BCKDHB: variants seen among roughly 807,000 people sequenced by gnomAD.
BCKDHB encodes the protein branched chain keto acid dehydrogenase E1 subunit beta.
BCKDHB carries 41 observed loss-of-function variants against 48.5 expected under a neutral mutation model. The ratio of observed to expected loss-of-function variants is 0.85; its 90% CI spans 0.66 to 1.10. The LOEUF is 1.10. Among genes scored for constraint, BCKDHB ranks in the 50% least tolerant of loss-of-function variants. BCKDHB has a pLI of 0.00. For synonymous variants in BCKDHB, 201 were observed against 174.8 expected (o/e 1.15, Z -1.18); for missense variants, 496 against 494.2 (o/e 1.00, Z -0.03).
intron 3 of BCKDHB, among the ~76,000 whole-genome samples, chr6:80,142,274 AAG>A (rs768092033): frequency 3.9e-5 from 6 of 152,122 alleles, no homozygotes; most frequent in Non-Finnish European, 7.4e-5. Context: ...TTGAAATTTT[AAG>A]AGAGTTTAAC....
chr6:80,414,235 A>G, the BCKDHB span, among the ~76,000 whole-genome samples: 5 of 151,982 alleles, frequency 3.3e-5, no homozygotes, highest in Non-Finnish European at 5.9e-5. Context: ...TTTTTCTCCC[A>G]TTCTGTAGGT....
At chr6:80,160,995 AC>A (rs1450719646) in intron 3 of BCKDHB, among the ~76,000 whole-genome samples, 1 of 152,160 alleles carries the variant, frequency 6.6e-6, no homozygotes, top group Non-Finnish European at 1.5e-5. Context: ...GATGGTATTT[AC>A]TTTTTTTTGC....
chr6:80,326,630 G>A (rs1329136399), intron 9 of BCKDHB, among the ~76,000 whole-genome samples: 1 of 152,154 alleles, frequency 6.6e-6, no homozygotes, highest in Non-Finnish European at 1.5e-5. Flanking sequence ...GCTCACACCT[G>A]TAATCCCAGC....
intron 9 of BCKDHB, among the ~76,000 whole-genome samples, chr6:80,339,008 A>AG (rs1365801085): frequency 4.2e-5 from 5 of 119,574 alleles, no homozygotes; most frequent in Admixed American, 1.0e-4. Flanking sequence ...TTGCCATAAA[A>AG]AAAAAAATTG....
At chr6:80,404,124 T>G in the BCKDHB span, among the ~76,000 whole-genome samples, 8 of 151,782 alleles carry the variant, frequency 5.3e-5, no homozygotes, top group Middle Eastern at 6.8e-3. Flanking sequence ...CACTTCTAAT[T>G]TTTTTAAAGA....
the BCKDHB span, among the ~76,000 whole-genome samples, chr6:80,456,923 T>C: frequency 6.6e-6 from 1 of 152,190 alleles, no homozygotes; most frequent in Non-Finnish European, 1.5e-5. Flanking sequence ...AAAATATGAG[T>C]TCATTATGCT....
chr6:80,332,040 T>C (rs578133633), intron 9 of BCKDHB, among the ~76,000 whole-genome samples: 9 of 152,004 alleles, frequency 5.9e-5, no homozygotes, highest in Non-Finnish European at 1.2e-4. Context: ...TTTTGAAGAG[T>C]TTTTAAAAGC....
intron 8 of BCKDHB, among the ~76,000 whole-genome samples, chr6:80,205,521 A>T (rs1402737388): frequency 2.0e-5 from 3 of 152,076 alleles, no homozygotes; most frequent in Admixed American, 2.0e-4. Context: ...TGAGGAATTC[A>T]TACTTCTTGC....
intron 3 of BCKDHB, among the ~76,000 whole-genome samples, chr6:80,158,704 T>C (rs1048184598): frequency 2.8e-4 from 43 of 152,138 alleles, no homozygotes; most frequent in African/African-American, 1.0e-3. Context: ...CACTGATCAA[T>C]CAGTGGATGG....
At chr6:80,417,395 AG>A in the BCKDHB span, among the ~76,000 whole-genome samples, 1 of 152,104 alleles carries the variant, frequency 6.6e-6, no homozygotes, top group African/African-American at 2.4e-5. Flanking sequence ...CCATGATGTT[AG>A]CTGGTTATTT....
chr6:80,337,620 A>G (rs1408293476), intron 9 of BCKDHB, among the ~76,000 whole-genome samples: 1 of 151,714 alleles, frequency 6.6e-6, no homozygotes, highest in African/African-American at 2.4e-5. Context: ...ATATATATTT[A>G]TCCATTATAT....
At chr6:80,328,671 T>G (rs192045909) in intron 9 of BCKDHB, among the ~76,000 whole-genome samples, 8 of 152,284 alleles carry the variant, frequency 5.3e-5, no homozygotes, top group Non-Finnish European at 1.0e-4. Context: ...ACAGAAAACT[T>G]TCTAATTTTA....
At chr6:80,213,605 C>A (rs1582371323) in intron 8 of BCKDHB, among the ~76,000 whole-genome samples, 1 of 151,946 alleles carries the variant, frequency 6.6e-6, no homozygotes, top group Non-Finnish European at 1.5e-5. Flanking sequence ...TCTTCCCTCC[C>A]CCTCACTCTC....
chr6:80,270,725 G>T (rs1280867555), intron 8 of BCKDHB, among the ~76,000 whole-genome samples: 2 of 152,112 alleles, frequency 1.3e-5, no homozygotes, highest in African/African-American at 4.8e-5. Context: ...AGGGCCAAGT[G>T]ATGAGCTGGA....
intron 3 of BCKDHB, among the ~76,000 whole-genome samples, chr6:80,158,892 C>G (rs1454239543): frequency 6.6e-6 from 1 of 152,176 alleles, no homozygotes; most frequent in Non-Finnish European, 1.5e-5. Flanking sequence ...AGTGTTCACC[C>G]TAGGCAGTAA....
At chr6:80,310,874 T>G (rs570136521) in intron 9 of BCKDHB, among the ~76,000 whole-genome samples, 87 of 129,168 alleles carry the variant, frequency 6.7e-4, no homozygotes, top group African/African-American at 2.1e-3. Flanking sequence ...TTTTTCATGT[T>G]TGATGGCCAC....
the BCKDHB span, among the ~76,000 whole-genome samples, chr6:80,391,175 A>ATG: frequency 9.4e-4 from 136 of 144,096 alleles, 2 homozygotes; most frequent in South Asian, 6.7e-3. Context: ...ATGCATATAT[A>ATG]TATGTGTGTG....
intron 8 of BCKDHB, among the ~76,000 whole-genome samples, chr6:80,228,042 TAATA>T (rs1562154798): frequency 1.3e-5 from 2 of 152,162 alleles, no homozygotes; most frequent in Admixed American, 6.5e-5. Context: ...AAATAACTTA[TAATA>T]AATAAAGTAT....
chr6:80,391,567 T>C, the BCKDHB span, among the ~76,000 whole-genome samples: 1 of 152,138 alleles, frequency 6.6e-6, no homozygotes, highest in Non-Finnish European at 1.5e-5. Flanking sequence ...CTAGAGCCTC[T>C]AGAGGAAATG....
Sources: gnomAD v4.1 joint callset for allele counts (sites outside exome capture counted in the v4.1 genomes callset) on GRCh38, gnomAD v4.1.1 for gene constraint, MANE v1.5 for transcripts, NCBI Gene and HGNC (gene_info 2026-07-23, HGNC 2026-07-21) for gene names.